The following EXOC7 variants were observed in gnomAD, a reference collection of about 807,000 sequenced individuals.
The protein encoded by EXOC7 is exocyst complex component Exo70.
A neutral mutation model predicts 87.6 loss-of-function variants in EXOC7; 51 were observed. That is an observed-to-expected ratio of 0.58 (90% CI 0.46 to 0.73). The LOEUF is 0.73. Ranked by LOEUF, EXOC7 falls within the 30% of genes least tolerant of loss-of-function variation. The pLI, the probability that EXOC7 is intolerant of heterozygous loss-of-function variation, is 0.00. For missense variants in EXOC7, 744 were observed against 888.4 expected (o/e 0.84, Z 2.07); for synonymous variants, 327 against 357.1 (o/e 0.92, Z 0.95).
chr17:76,083,945 G>C, intron 18 of EXOC7, 61 bp downstream of exon 18: 1 of 1,495,268 alleles, frequency 6.7e-7, no homozygotes, highest in Non-Finnish European at 8.9e-7. Flanking sequence ...AGGAAGAGGA[G>C]CTTGAAGAGG....
intron 6 of EXOC7, chr17:76,094,106 G>A (rs942506622): frequency 1.1e-5 from 3 of 268,252 alleles, no homozygotes; most frequent in Non-Finnish European, 2.1e-5. Context: ...AGGGCGACGT[G>A]TGTGTGAGGG....
chr17:76,089,164 C>A lies in EXOC7; in HGVS notation c.1047+11G>T, dbSNP rs1171917414. The stretch of plus-strand genomic sequence containing the variant: ...GGGGCTGGCTGCAGAGCCCCCGGGG[C>A]GGGGCGGGACCTGTATCAGGGAGTC... On this transcript the variant is annotated intron_variant, in intron 8 of 18. Transcript: ENST00000589210. 1.9e-6 allele frequency: 3 copies of A among 1,611,928 alleles called. No homozygotes were observed. The Admixed American group carries it at 5.0e-5, about 27-fold the overall frequency.
chr17:76,100,242 A>T (rs912953635), intron 4 of EXOC7, among the ~76,000 whole-genome samples: 8 of 152,150 alleles, frequency 5.3e-5, no homozygotes, highest in Non-Finnish European at 1.0e-4. Context: ...GTGGAGTTTC[A>T]CTTGGAGAAG....
At chr17:76,085,565 A>C (rs1294621684) in intron 14 of EXOC7, 112 bp downstream of exon 14, 3 of 1,553,760 alleles carry the variant, frequency 1.9e-6, no homozygotes, top group African/African-American at 1.4e-5. Flanking sequence ...AGACTGAAGC[A>C]CCCCCTCCCC....
intron 3 of EXOC7, 61 bp from the exon 4 acceptor site, chr17:76,101,437 C>G: frequency 6.3e-7 from 1 of 1,587,722 alleles, no homozygotes. Context: ...ACTAAGGACA[C>G]AGTATTTGGG....
intron 4 of EXOC7, 60 bp from the exon 5 acceptor site, chr17:76,098,078 C>G (rs1438997460): frequency 7.0e-7 from 1 of 1,438,414 alleles, no homozygotes; most frequent in Non-Finnish European, 9.8e-7. Flanking sequence ...CAGTCCTGGC[C>G]TTCCCCTGCC....
Position 76,103,409 on chromosome 17 carries a change from G to A in EXOC7, c.78C>T (p.Ser26=), listed in dbSNP as rs535322350. ...TCTTCTCCAGGCTGTCTCGGATGAA[G>A]GACAGAGTCTCCTCCTCCTGGGGGC... The part of the protein sequence containing the change: ...DKLKQEEETL[S]FIRDSLEKSD... Residue 26 remains serine, a synonymous_variant, in exon 2 of 19, where the codon TCC becomes TCT. Transcript: ENST00000589210. 6.8e-6 allele frequency: 11 copies of A among 1,607,156 alleles called. No individual in the cohort carries two copies. The African/African-American group carries it at 1.3e-4, about 20-fold the overall frequency.
chr17:76,097,632 T>C (rs978690636), intron 5 of EXOC7, among the ~76,000 whole-genome samples, 164 bp downstream of exon 5: 1 of 128,588 alleles, frequency 7.8e-6, no homozygotes, highest in Non-Finnish European at 1.5e-5. Flanking sequence ...GGAACCCGGG[T>C]ATGCAGAGGC....
At chr17:76,089,965 G>A (rs1000871865) in intron 7 of EXOC7, among the ~76,000 whole-genome samples, 1 of 152,232 alleles carries the variant, frequency 6.6e-6, no homozygotes, top group African/African-American at 2.4e-5. Flanking sequence ...CAAAACCGGC[G>A]GCAGAACTGC....
chr17:76,090,437 T>C, intron 7 of EXOC7: 1 of 1,551,616 alleles, frequency 6.4e-7, no homozygotes, highest in Non-Finnish European at 8.7e-7. Flanking sequence ...GCAGCGTTTA[T>C]CCAGGGGCCA....
Position 76,101,674 on chromosome 17 carries a change from C to T in EXOC7, c.311+5G>A. 4 of 1,609,618 alleles carry T rather than the reference C, an allele frequency of 2.5e-6. No homozygotes were observed. The African/African-American group carries it at 5.3e-5, about 21-fold the overall frequency. On this transcript the variant is annotated splice_donor_5th_base_variant and intron_variant, in intron 3 of 18. Transcript: ENST00000589210. ...GAATTGACCCTCTGGGCCTCACTCA[C>T]TCACCCCTCTCTGATGATCTTCTCA...
At chr17:76,090,304 C>T in intron 7 of EXOC7, 16 of 1,548,272 alleles carry the variant, frequency 1.0e-5, no homozygotes, top group Non-Finnish European at 1.4e-5. Flanking sequence ...CAGCGGCTGC[C>T]CTCGGGCTGG....
At chr17:76,091,759 G>A (rs116679068) in intron 6 of EXOC7, 193 of 154,560 alleles carry the variant, frequency 1.2e-3, no homozygotes, top group African/African-American at 4.4e-3. Flanking sequence ...CTGAACTTCC[G>A]GGGGAGCGCT....
At chr17:76,101,398 T>C (rs770782270) in intron 3 of EXOC7, 22 bp from the exon 4 acceptor site, 1 of 1,613,800 alleles carries the variant, frequency 6.2e-7, no homozygotes, top group South Asian at 1.1e-5. Flanking sequence ...AAGAGCCAGG[T>C]CAGGCTGGGG....
chr17:76,085,298 G>A lies in EXOC7; in HGVS notation c.1712+16C>T, dbSNP rs200634909. 121 of 1,578,484 alleles carry A rather than the reference G, an allele frequency of 7.7e-5. 1 individual carries two copies. In the East Asian group the frequency reaches 1.5e-3, roughly 19 times the overall value. On this transcript the variant is annotated intron_variant, in intron 15 of 18. Transcript: ENST00000589210. Reference sequence around the variant, plus strand: ...ACAGGGGCCCATGCAGGAGCAGGGCGGGCCCAGCCTCTCACCTGCGCTGGT... The same window carrying A: ...ACAGGGGCCCATGCAGGAGCAGGGCAGGCCCAGCCTCTCACCTGCGCTGGT...
Position 76,081,979 on chromosome 17 carries a change from G to C in EXOC7, c.*1669C>G, listed in dbSNP as rs139224066. On this transcript the variant is annotated 3_prime_UTR_variant, in exon 19 of 19. Coordinates refer to ENST00000589210, the MANE Select transcript of EXOC7 (RefSeq NM_001013839.4). The stretch of plus-strand genomic sequence containing the variant: ...TGGCCCGGGGCAACCTTGGGGCCAA[G>C]AGCGGCCCCAGCCCAGCCCCGAGAG... The C allele has an allele frequency of 1.6e-4, 262 of 1,612,382 alleles. No individual in the cohort carries two copies. In the African/African-American group the frequency reaches 3.0e-3, roughly 18 times the overall value.
In EXOC7 at chr17:76,101,684, T is replaced by C. The variant is rs1234848294; in HGVS notation, c.306A>G (p.Arg102=). The C allele has an allele frequency of 6.2e-7, 1 of 1,612,278 alleles. No individual in the cohort carries two copies. The highest frequency in any genetic ancestry group is 1.7e-5 in the Admixed American group (1 of 59,808). ...HVASDTEKII[R]EGPTGRLEEY... ...TCTGGGCCTCACTCACTCACCCCTC[T>C]CTGATGATCTTCTCAGTGTCACTGG... Residue 102 remains arginine, a synonymous_variant, in exon 3 of 19, where the codon AGA becomes AGG. Coordinates refer to ENST00000589210, the MANE Select transcript of EXOC7 (RefSeq NM_001013839.4).
intron 12 of EXOC7, 79 bp downstream of exon 12, chr17:76,087,575 C>T: frequency 7.1e-7 from 1 of 1,413,668 alleles, no homozygotes; most frequent in East Asian, 2.5e-5. Context: ...TACCTCCTCA[C>T]TGCTACCTGC....
At chr17:76,087,601 C>T (rs947263177) in intron 12 of EXOC7, 53 bp downstream of exon 12, 4 of 1,526,196 alleles carry the variant, frequency 2.6e-6, no homozygotes, top group Non-Finnish European at 3.5e-6. Flanking sequence ...AACCCCATGT[C>T]TCCAGGCAAG....
Sources: allele counts gnomAD v4.1 joint callset (sites outside exome capture counted in the v4.1 genomes callset), GRCh38; gene constraint gnomAD v4.1.1; transcripts MANE v1.5; gene names NCBI Gene and HGNC (gene_info 2026-07-23, HGNC 2026-07-21).